PCDHA3: variants seen among roughly 807,000 people sequenced by gnomAD.
PCDHA3 encodes protocadherin alpha-3.
In PCDHA3, 41 loss-of-function variants were observed where a neutral mutation model predicts 62.2. That is an observed-to-expected ratio of 0.66 (90% confidence interval 0.51 to 0.86). PCDHA3 has a LOEUF of 0.86. Among genes scored for constraint, PCDHA3 ranks in the 40% least tolerant of loss-of-function variants. PCDHA3 has a pLI of 0.00. For missense variants in PCDHA3, 1,304 were observed against 1,241.2 expected (o/e 1.05, Z -0.76); for synonymous variants, 640 against 555.4 (o/e 1.15, Z -2.14).
At chr5:140,978,861 T>C (rs540878929) in intron 1 of PCDHA3, 88 bp from the exon 2 acceptor site, 1 of 1,599,110 alleles carries the variant, frequency 6.3e-7, no homozygotes, top group African/African-American at 1.3e-5. Flanking sequence ...CCTGGAAATA[T>C]TTAAGGGAGT....
At chr5:140,987,452 A>C (rs1430622755) in intron 3 of PCDHA3, among the ~76,000 whole-genome samples, 2 of 152,076 alleles carry the variant, frequency 1.3e-5, no homozygotes, top group Non-Finnish European at 2.9e-5. Context: ...CCCGAGAGAT[A>C]ATTGTTAAGA....
intron 1 of PCDHA3, among the ~76,000 whole-genome samples, chr5:140,899,683 T>A (rs1554188699): frequency 6.6e-6 from 1 of 152,222 alleles, no homozygotes; most frequent in African/African-American, 2.4e-5. Flanking sequence ...ATCAGGATGA[T>A]GCTGGCCTCA....
In PCDHA3 at chr5:140,856,431, A is replaced by G. The variant is rs782173275; in HGVS notation, c.2394+52840A>G. 21 of 1,597,862 alleles carry G rather than the reference A, an allele frequency of 1.3e-5. 4 individuals are homozygous for G. In the South Asian group the frequency reaches 2.2e-4, roughly 17 times the overall value. On this transcript the variant is annotated intron_variant, in intron 1 of 3. Transcript: ENST00000522353. ...GTGGAAGTGAAGGACATTAACGACA[A>G]CCCGCCCAGGTTCTCCGTAACAGAA...
Position 140,802,778 on chromosome 5 carries a change from G to C in PCDHA3, c.1581G>C (p.Glu527Asp). The change falls in exon 1 of 4, where the codon GAG (glutamate) becomes GAC (aspartate). Residue 527 changes from glutamate (E) to aspartate (D), a missense_variant. Physicochemically the swap from Glu to Asp is conservative, Grantham distance 45. Coordinates refer to ENST00000522353, the MANE Select transcript of PCDHA3 (RefSeq NM_018906.3). ...CGCTGCAGCCGCTGGACCACGAGGA[G>C]CTAGAGCTGCTGCAGTTCCAGGTGA... The part of the protein sequence containing the change: ...VYALQPLDHE[E>D]LELLQFQVSA... 6.2e-7 allele frequency: 1 copy of C among 1,613,190 alleles called. No individual in the cohort carries two copies. The highest frequency in any genetic ancestry group is 8.5e-7 in the Non-Finnish European group (1 of 1,179,898).
chr5:140,948,349 T>C (rs1262551459), intron 1 of PCDHA3, among the ~76,000 whole-genome samples: 2 of 151,624 alleles, frequency 1.3e-5, no homozygotes, highest in African/African-American at 4.8e-5. Context: ...ATTTCTAACC[T>C]AATAAAATGA....
intron 1 of PCDHA3, among the ~76,000 whole-genome samples, chr5:140,977,949 G>A (rs919613337): frequency 2.6e-5 from 4 of 152,036 alleles, no homozygotes; most frequent in Admixed American, 6.6e-5. Context: ...TTCAGTGACA[G>A]GGCCACCTCA....
chr5:140,835,712 G>C, intron 1 of PCDHA3: 1 of 1,613,796 alleles, frequency 6.2e-7, no homozygotes, highest in Non-Finnish European at 8.5e-7. Flanking sequence ...GCGTGTCCGT[G>C]GAGGTGGCCG....
intron 1 of PCDHA3, chr5:140,815,112 T>A (rs1554126680): frequency 6.6e-6 from 1 of 152,168 alleles, no homozygotes; most frequent in African/African-American, 2.4e-5. Context: ...AGTTAGCATA[T>A]AATTGGGTCT....
intron 1 of PCDHA3, among the ~76,000 whole-genome samples, chr5:140,913,069 C>G (rs1249708459): frequency 9.2e-5 from 14 of 152,006 alleles, no homozygotes; most frequent in Non-Finnish European, 1.5e-4. Flanking sequence ...TTTGATGTGT[C>G]ATTGTTTGGT....
intron 1 of PCDHA3, chr5:140,883,577 G>C: frequency 1.2e-6 from 2 of 1,614,052 alleles, no homozygotes; most frequent in South Asian, 1.1e-5. Context: ...TTCGCTGTGG[G>C]CCACGGCCAG....
intron 1 of PCDHA3, among the ~76,000 whole-genome samples, chr5:140,887,239 G>C (rs1248062448): frequency 6.6e-6 from 1 of 151,736 alleles, no homozygotes. Flanking sequence ...TGAGACTACC[G>C]GCGCCCGCCA....
chr5:140,875,591 A>C, intron 1 of PCDHA3: 2 of 1,613,998 alleles, frequency 1.2e-6, no homozygotes, highest in Non-Finnish European at 1.7e-6. Context: ...GAGGAGGCCA[A>C]ACACGGCACC....
chr5:140,985,096 C>A (rs1486346952), intron 3 of PCDHA3, among the ~76,000 whole-genome samples: 1 of 152,096 alleles, frequency 6.6e-6, no homozygotes, highest in Non-Finnish European at 1.5e-5. Context: ...TGCCACCAAG[C>A]CTGGCTAATT....
In PCDHA3 at chr5:140,856,987, C is replaced by T. The variant is rs144244943; in HGVS notation, c.2394+53396C>T. ...ATGCTATTGACTTTGAGGACAGTAA[C>T]ACTTATGAAATTCATGTAGATGTTA... On this transcript the variant is annotated intron_variant, in intron 1 of 3. Coordinates refer to ENST00000522353, the MANE Select transcript of PCDHA3 (RefSeq NM_018906.3). The T allele has an allele frequency of 7.5e-6, 12 of 1,595,122 alleles. No individual in the cohort carries two copies. The African/African-American group carries it at 1.3e-4, about 18-fold the overall frequency.
intron 1 of PCDHA3, chr5:140,968,839 T>C (rs1426943047): frequency 1.3e-5 from 21 of 1,614,052 alleles, no homozygotes; most frequent in Non-Finnish European, 1.7e-5. Flanking sequence ...TCCCTGACAC[T>C]CAGAGGCATG....
chr5:140,941,211 CTTCCTTTCTTTCTTTCTTTCTTT>C (rs2092859339), intron 1 of PCDHA3, among the ~76,000 whole-genome samples: 20 of 129,726 alleles, frequency 1.5e-4, no homozygotes, highest in Admixed American at 7.8e-4. Flanking sequence ...TCCTTTCTTT[CTTCCTTTCTTTCTTTCTTTCTTT>C]CTTTCTTTCT....
intron 1 of PCDHA3, among the ~76,000 whole-genome samples, chr5:140,832,335 G>T (rs1771931725): frequency 1.3e-5 from 2 of 152,204 alleles, no homozygotes; most frequent in African/African-American, 2.4e-5. Flanking sequence ...AGAGGACTGA[G>T]TTGTGGTTTG....
chr5:140,853,619 G>A lies in PCDHA3; in HGVS notation c.2394+50028G>A. 2 of 988,316 alleles carry A rather than the reference G, an allele frequency of 2.0e-6. 1 individual carries two copies. Among genetic ancestry groups the A allele is most frequent in the Non-Finnish European group, 2.4e-6 (2 of 820,378 alleles). 61.2% of individuals were successfully genotyped at this position (988,316 alleles called of 1,614,324 possible). ...AGAGCAAAGGGGGTGCTGTAAATAA[G>A]TATACAAGATCACAGACCTAAATTG... On this transcript the variant is annotated intron_variant, in intron 1 of 3. Transcript: ENST00000522353.
chr5:140,809,323 G>A lies in PCDHA3; in HGVS notation c.2394+5732G>A, dbSNP rs145154617. 2.2e-4 allele frequency: 363 copies of A among 1,614,098 alleles called. 1 individual carries two copies. In the African/African-American group the frequency reaches 3.9e-3, roughly 17 times the overall value. On this transcript the variant is annotated intron_variant, in intron 1 of 3. Coordinates refer to ENST00000522353, the MANE Select transcript of PCDHA3 (RefSeq NM_018906.3). ...TCTGCGCGGTGTCCAGCCTTTTGGT[G>A]CTCACGCTGCTGCTGTACACCGCGC...
Sources: gnomAD v4.1 joint callset for allele counts (sites outside exome capture counted in the v4.1 genomes callset) on GRCh38, gnomAD v4.1.1 for gene constraint, MANE v1.5 for transcripts, NCBI Gene and HGNC (gene_info 2026-07-23, HGNC 2026-07-21) for gene names.